CLASP2: variants seen among roughly 807,000 people sequenced by gnomAD.
The protein encoded by CLASP2 is cytoplasmic linker associated protein 2, also known as CLIP-associating protein 2.
In CLASP2, 47 loss-of-function variants were observed where a neutral mutation model predicts 194.4. The ratio of observed to expected loss-of-function variants is 0.24; its 90% confidence interval spans 0.19 to 0.31. CLASP2 has a LOEUF of 0.31. Ranked by LOEUF, CLASP2 falls within the 10% of genes least tolerant of loss-of-function variation. CLASP2 has a pLI of 1.00. For missense variants in CLASP2, 1,445 were observed against 1,823.6 expected (o/e 0.79, Z 3.78); for synonymous variants, 619 against 633.5 (o/e 0.98, Z 0.34).
chr3:33,590,306 G>A (rs1007514552), intron 21 of CLASP2, among the ~76,000 whole-genome samples: 2 of 151,998 alleles, frequency 1.3e-5, no homozygotes, highest in Non-Finnish European at 2.9e-5. Context: ...ATTCAAACCT[G>A]GGCAGACTCC....
intron 6 of CLASP2, among the ~76,000 whole-genome samples, chr3:33,671,555 A>G (rs573269720): frequency 3.3e-5 from 5 of 152,188 alleles, no homozygotes; most frequent in Non-Finnish European, 5.9e-5. Flanking sequence ...CTGAGGTACC[A>G]GGTTCATCTC....
intron 1 of CLASP2, among the ~76,000 whole-genome samples, chr3:33,698,968 G>C (rs991543744): frequency 3.3e-5 from 5 of 152,148 alleles, no homozygotes; most frequent in African/African-American, 1.2e-4. Context: ...AAATGTTCTA[G>C]TTAAAAGAGC....
chr3:33,663,415 A>G, intron 7 of CLASP2, 30 bp downstream of exon 7: 1 of 1,580,196 alleles, frequency 6.3e-7, no homozygotes, highest in Non-Finnish European at 8.7e-7. Context: ...AAATAGTCTT[A>G]GAAATGTTTG....
At chr3:33,589,263 C>T (rs1407707073) in intron 21 of CLASP2, among the ~76,000 whole-genome samples, 1 of 152,056 alleles carries the variant, frequency 6.6e-6, no homozygotes, top group African/African-American at 2.4e-5. Flanking sequence ...GAAAAAGAGA[C>T]ACAATTTTGT....
chr3:33,505,989 T>C (rs2048064216), intron 37 of CLASP2, among the ~76,000 whole-genome samples: 1 of 152,160 alleles, frequency 6.6e-6, no homozygotes, highest in African/African-American at 2.4e-5. Flanking sequence ...GTCCTGGAAG[T>C]ATTAAGCCAG....
chr3:33,560,324 C>A (rs993432658), intron 28 of CLASP2, among the ~76,000 whole-genome samples: 1 of 151,770 alleles, frequency 6.6e-6, no homozygotes, highest in Non-Finnish European at 1.5e-5. Context: ...CTCACTGCAA[C>A]CTCCACCTCC....
chr3:33,517,169 A>G lies in CLASP2; in HGVS notation c.3793T>C (p.Ser1265Pro). ...DDADQFPDDL[S>P]LDHSDLVAEL... ...GCAACTAGGTCAGAATGATCTAGGG[A>G]AAGATCTGTCAAAAGGACATGGTAT... Residue 1265 changes from serine (S) to proline (P), a missense_variant, in exon 35 of 39, where the codon TCC becomes CCC. Physicochemically the swap from Ser to Pro is moderately conservative, Grantham distance 74 (BLOSUM62 -1). Coordinates refer to ENST00000682230, the MANE Select transcript of CLASP2 (RefSeq NM_001365631.1). 2 of 1,609,706 alleles carry G rather than the reference A, an allele frequency of 1.2e-6. No homozygotes were observed. Among genetic ancestry groups the G allele is most frequent in the Admixed American group, 1.7e-5 (1 of 59,024 alleles).
intron 3 of CLASP2, 36 bp downstream of exon 3, chr3:33,689,793 C>G (rs746165784): frequency 2.8e-6 from 4 of 1,423,742 alleles, no homozygotes; most frequent in Non-Finnish European, 3.8e-6. Context: ...CTGTGATTAC[C>G]ATTAGCAAAA....
At chr3:33,560,719 A>AG (rs1199223701) in intron 28 of CLASP2, 89 bp downstream of exon 28, 2 of 1,149,398 alleles carry the variant, frequency 1.7e-6, no homozygotes, top group African/African-American at 3.1e-5. Context: ...AATTGTTCAA[A>AG]GGGACCCAGA....
At chr3:33,511,108 C>T (rs1453122791) in intron 36 of CLASP2, among the ~76,000 whole-genome samples, 1 of 149,358 alleles carries the variant, frequency 6.7e-6, no homozygotes. Context: ...TCATCAGTCA[C>T]TATAGCCTCA....
At chr3:33,620,998 TG>T (rs2077017480) in intron 11 of CLASP2, among the ~76,000 whole-genome samples, 54 of 1,430 alleles carry the variant, frequency 0.038, 2 homozygotes, top group East Asian at 0.15. Context: ...TGTAGCTCTT[TG>T]TGTGTGTGTG....
At chr3:33,621,986 T>C in intron 11 of CLASP2, 149 bp downstream of exon 11, 2 of 517,664 alleles carry the variant, frequency 3.9e-6, no homozygotes, top group Non-Finnish European at 6.1e-6. Context: ...TTAAAAATCA[T>C]ACAGATTGAA....
In CLASP2 at chr3:33,560,989, G is replaced by T. The variant is rs146524237; in HGVS notation, c.2767-18C>A. 4 of 1,604,884 alleles carry T rather than the reference G, an allele frequency of 2.5e-6. No individual in the cohort carries two copies. The African/African-American group carries it at 5.4e-5, about 22-fold the overall frequency. Reference sequence around the variant, plus strand: ...CTGAATACCTACAGTTGATAAAGGGGAGAGGTAGGGAGAAAAAAAGAGGAA... The same window carrying T: ...CTGAATACCTACAGTTGATAAAGGGTAGAGGTAGGGAGAAAAAAAGAGGAA... On this transcript the variant is annotated intron_variant, in intron 27 of 38. Transcript: ENST00000682230.
At chr3:33,677,267 C>T (rs1487316202) in intron 6 of CLASP2, among the ~76,000 whole-genome samples, 4 of 151,792 alleles carry the variant, frequency 2.6e-5, no homozygotes, top group Admixed American at 2.0e-4. Flanking sequence ...ATGTTTATTG[C>T]GGCATTATTC....
At chr3:33,686,551 C>T (rs1433734439) in intron 5 of CLASP2, among the ~76,000 whole-genome samples, 1 of 152,170 alleles carries the variant, frequency 6.6e-6, no homozygotes, top group Non-Finnish European at 1.5e-5. Flanking sequence ...CCAAAACCAT[C>T]CCTACCCCGC....
chr3:33,696,726 A>G (rs1378472097), intron 2 of CLASP2, 129 bp downstream of exon 2: 7 of 708,518 alleles, frequency 9.9e-6, no homozygotes, highest in Non-Finnish European at 1.7e-5. Context: ...TCGGCCTCCC[A>G]AAGTGCTGGG....
At chr3:33,531,083 TA>T in intron 34 of CLASP2, among the ~76,000 whole-genome samples, 1 of 152,158 alleles carries the variant, frequency 6.6e-6, no homozygotes, top group Admixed American at 6.5e-5. Context: ...CAAAATTTAC[TA>T]CAGAGCTACA....
At chr3:33,650,067 C>T (rs981368650) in intron 7 of CLASP2, among the ~76,000 whole-genome samples, 1 of 152,126 alleles carries the variant, frequency 6.6e-6, no homozygotes, top group Non-Finnish European at 1.5e-5. Flanking sequence ...TAGGAAAAGA[C>T]CCACTTAAAA....
At chr3:33,573,699 T>C (rs1430379873) in intron 24 of CLASP2, among the ~76,000 whole-genome samples, 2 of 152,142 alleles carry the variant, frequency 1.3e-5, no homozygotes, top group African/African-American at 4.8e-5. Context: ...ACAGAAACTA[T>C]ACTAGAAATT....
Sources: gnomAD v4.1 joint callset for allele counts (sites outside exome capture counted in the v4.1 genomes callset) on GRCh38, gnomAD v4.1.1 for gene constraint, MANE v1.5 for transcripts, NCBI Gene and HGNC (gene_info 2026-07-23, HGNC 2026-07-21) for gene names.